Variants in ARHGAP6 observed in about 807,000 individuals in gnomAD.
ARHGAP6 encodes rho GTPase-activating protein 6.
A neutral mutation model predicts 55.7 loss-of-function variants in ARHGAP6; 16 were observed. The observed-to-expected ratio is 0.29, with a 90% CI of 0.19 to 0.44. ARHGAP6 has a LOEUF of 0.44. Among genes scored for constraint, ARHGAP6 ranks in the 20% least tolerant of loss-of-function variants. The probability of loss-of-function intolerance (pLI) is 1.00; values close to 1 mark genes in which losing one functional copy is unlikely to be tolerated. For missense variants in ARHGAP6, 698 were observed against 808.9 expected (o/e 0.86, Z 1.66); for synonymous variants, 382 against 360.9 (o/e 1.06, Z -0.66).
chrX:11,322,095 T>G (rs2048439225), intron 1 of ARHGAP6, among the ~76,000 whole-genome samples: 1 of 112,340 alleles, frequency 8.9e-6, no homozygotes, highest in Non-Finnish European at 1.9e-5. Context: ...GAAGAACATC[T>G]CAAGAAAATC....
chrX:11,436,614 G>A (rs2049989339), intron 1 of ARHGAP6, among the ~76,000 whole-genome samples: 2 of 111,653 alleles, frequency 1.8e-5, no homozygotes, highest in South Asian at 7.5e-4. Flanking sequence ...TATTCATAAT[G>A]GCCAAAAGGT....
intron 1 of ARHGAP6, among the ~76,000 whole-genome samples, chrX:11,315,168 C>T (rs982489913): frequency 1.4e-4 from 16 of 112,498 alleles, no homozygotes; most frequent in Admixed American, 1.1e-3. Context: ...CCCATAGCTT[C>T]GCTATGTTTT....
chrX:11,409,247 T>C (rs1196969239), intron 1 of ARHGAP6, among the ~76,000 whole-genome samples: 1 of 112,132 alleles, frequency 8.9e-6, no homozygotes, highest in Non-Finnish European at 1.9e-5. Context: ...GGCCTAGTCT[T>C]CACTTTTAAA....
chrX:11,250,622 C>T lies in ARHGAP6; in HGVS notation c.748+3926G>A, dbSNP rs1488391575. On this transcript the variant is annotated intron_variant, in intron 2 of 12. Coordinates refer to ENST00000337414, the MANE Select transcript of ARHGAP6 (RefSeq NM_013427.3). ...ATCTGCATTCCTTGGCTCATGGCCCCTTTCTCCATCTTTGAAGCCGGCAAC... is the reference window on the plus strand; with the variant it reads ...ATCTGCATTCCTTGGCTCATGGCCCTTTTCTCCATCTTTGAAGCCGGCAAC... Among the ~76,000 whole-genome samples the T allele has an allele frequency of 2.7e-5, 3 of 111,403 alleles. No homozygotes were observed. In the East Asian group the frequency reaches 8.5e-4, roughly 32 times the overall value.
At chrX:11,275,879 G>A (rs1272936005) in intron 1 of ARHGAP6, among the ~76,000 whole-genome samples, 17 of 111,489 alleles carry the variant, frequency 1.5e-4, no homozygotes, top group Admixed American at 2.9e-4. Context: ...CACCTCCTCT[G>A]AGAAGCCCTG....
In ARHGAP6 at chrX:11,664,222, G is replaced by C. The variant is rs759352439; in HGVS notation, c.588+19C>G. 2 of 1,182,237 alleles carry C rather than the reference G, an allele frequency of 1.7e-6. No individual in the cohort carries two copies. The highest frequency in any genetic ancestry group is 3.8e-5 in the South Asian group (2 of 52,717). On this transcript the variant is annotated intron_variant, in intron 1 of 12. Coordinates refer to ENST00000337414, the MANE Select transcript of ARHGAP6 (RefSeq NM_013427.3). ...GGGCCTCCTCCTTGGGCCGTGGGACGCGCAGCGCTGGTCCCTACCTCGGAT... is the reference window on the plus strand; with the variant it reads ...GGGCCTCCTCCTTGGGCCGTGGGACCCGCAGCGCTGGTCCCTACCTCGGAT...
At chrX:11,474,483 T>C (rs73500895) in intron 1 of ARHGAP6, among the ~76,000 whole-genome samples, 3,225 of 112,481 alleles carry the variant, frequency 0.029, 46 homozygotes, top group Middle Eastern at 0.065. Flanking sequence ...TTTTGGATGG[T>C]GGCACTTCTC....
chrX:11,535,354 A>G (rs1442897117), intron 1 of ARHGAP6, among the ~76,000 whole-genome samples: 2 of 112,085 alleles, frequency 1.8e-5, no homozygotes, highest in Non-Finnish European at 1.9e-5. Flanking sequence ...CTCCTTGGGA[A>G]AATTGCTTAA....
intron 1 of ARHGAP6, among the ~76,000 whole-genome samples, chrX:11,448,586 G>T (rs1412903549): frequency 9.0e-6 from 1 of 111,520 alleles, no homozygotes; most frequent in Non-Finnish European, 1.9e-5. Flanking sequence ...CTCTCACAGA[G>T]AACCAGCACG....
intron 1 of ARHGAP6, among the ~76,000 whole-genome samples, chrX:11,519,351 A>C: frequency 9.1e-6 from 1 of 110,173 alleles, no homozygotes; most frequent in Middle Eastern, 4.7e-3. Flanking sequence ...ATGATATCTC[A>C]TAGTGGTTTT....
At chrX:11,165,792 TGGA>T (rs2046009345) in intron 9 of ARHGAP6, among the ~76,000 whole-genome samples, 1 of 110,851 alleles carries the variant, frequency 9.0e-6, no homozygotes, top group Non-Finnish European at 1.9e-5. Flanking sequence ...CAGAACTCTG[TGGA>T]GGTCTTCACT....
At chrX:11,394,376 G>T (rs1347963436) in intron 1 of ARHGAP6, among the ~76,000 whole-genome samples, 1 of 111,432 alleles carries the variant, frequency 9.0e-6, no homozygotes, top group African/African-American at 3.3e-5. Context: ...CCTGGGGCTG[G>T]GGGTGGGAAC....
At position 11,595,160 on chromosome X, in the gene ARHGAP6, T is replaced by C. The variant is rs145658743; in HGVS notation, c.588+69081A>G. ...AAAAAATTAGCCGGGTATGGTGGCG[T>C]ACGCCTATAATCCCAGCAACTCGGG... is the stretch of plus-strand genomic sequence containing the variant. On this transcript the variant is annotated intron_variant, in intron 1 of 12. Coordinates refer to ENST00000337414, the MANE Select transcript of ARHGAP6 (RefSeq NM_013427.3). Among the ~76,000 whole-genome samples, 668 of 110,533 alleles carry C rather than the reference T, an allele frequency of 6.0e-3. 3 individuals are homozygous for C. The highest frequency in any genetic ancestry group is 0.021 in the African/African-American group (643 of 30,322).
intron 1 of ARHGAP6, among the ~76,000 whole-genome samples, chrX:11,646,081 A>G (rs904658506): frequency 5.4e-5 from 6 of 111,470 alleles, no homozygotes; most frequent in Admixed American, 9.5e-5. Flanking sequence ...GGCAAAGGGG[A>G]AGCAAGGACC....
chrX:11,277,587 G>C (rs1055299723), intron 1 of ARHGAP6, among the ~76,000 whole-genome samples: 1 of 110,985 alleles, frequency 9.0e-6, no homozygotes, highest in African/African-American at 3.3e-5. Context: ...ATATAGATCA[G>C]CCATCAGAGC....
intron 1 of ARHGAP6, among the ~76,000 whole-genome samples, chrX:11,430,481 C>T (rs964679541): frequency 3.6e-5 from 4 of 112,308 alleles, no homozygotes; most frequent in African/African-American, 1.3e-4. Flanking sequence ...GAATCATCCA[C>T]CTCCTTCAAT....
In ARHGAP6 at chrX:11,572,530, A is replaced by G. The variant is rs774072059; in HGVS notation, c.588+91711T>C. ...AAAGGACATGAACTCATCATTTTTT[A>G]TGGCTGCATAGTATTCCATGGTGTA... is the stretch of plus-strand genomic sequence containing the variant. On this transcript the variant is annotated intron_variant, in intron 1 of 12. Transcript: ENST00000337414. 3.6e-5 allele frequency among the ~76,000 whole-genome samples: 4 copies of G among 111,498 alleles called. No homozygotes were observed. In the East Asian group the frequency reaches 1.1e-3, roughly 31 times the overall value.
chrX:11,353,549 A>AGTGTGTGTGTGT (rs200177159), intron 1 of ARHGAP6, among the ~76,000 whole-genome samples: 3 of 82,473 alleles, frequency 3.6e-5, no homozygotes, highest in African/African-American at 9.4e-5. Context: ...TATTGCTTAT[A>AGTGTGTGTGTGT]GTGTGTGTGT....
intron 1 of ARHGAP6, among the ~76,000 whole-genome samples, chrX:11,639,709 A>G (rs2052454640): frequency 9.0e-6 from 1 of 110,726 alleles, no homozygotes; most frequent in Admixed American, 9.7e-5. Context: ...GAAATAGATA[A>G]ATTAAGAGAG....
Sources: allele counts gnomAD v4.1 joint callset (sites outside exome capture counted in the v4.1 genomes callset), GRCh38; gene constraint gnomAD v4.1.1; transcripts MANE v1.5; gene names NCBI Gene and HGNC (gene_info 2026-07-23, HGNC 2026-07-21).